TSNARE1: variants seen among roughly 807,000 people sequenced by gnomAD.
TSNARE1 encodes the protein t-SNARE domain-containing protein 1.
A neutral mutation model predicts 62.0 loss-of-function variants in TSNARE1; 49 were observed. That is an observed-to-expected ratio of 0.79 (90% CI 0.63 to 1.00). TSNARE1 has a LOEUF of 1.00. Among genes scored for constraint, TSNARE1 ranks in the 50% least tolerant of loss-of-function variants. TSNARE1 has a pLI of 0.00. For missense variants in TSNARE1, 755 were observed against 700.1 expected, an observed-to-expected ratio of 1.08 and a Z score of -0.88; for synonymous variants, 328 against 294.4, an observed-to-expected ratio of 1.11 and a Z score of -1.17.
intron 11 of TSNARE1, chr8:142,276,743 T>A: frequency 1.0e-6 from 1 of 985,376 alleles, no homozygotes; most frequent in Non-Finnish European, 1.2e-6. Flanking sequence ...GTGTGTGACC[T>A]GGAGGCCCAC....
chr8:142,343,937 T>C, intron 4 of TSNARE1, 29 bp downstream of exon 4: 5 of 1,499,606 alleles, frequency 3.3e-6, no homozygotes, highest in Non-Finnish European at 4.4e-6. Context: ...AGTGGCACCC[T>C]AGCAAGGTGA....
chr8:142,226,205 C>T (rs1444371836), intron 13 of TSNARE1, among the ~76,000 whole-genome samples: 4 of 152,214 alleles, frequency 2.6e-5, no homozygotes, highest in Non-Finnish European at 5.9e-5. Context: ...TCACCATCGC[C>T]ACAGTAACTA....
chr8:142,267,674 CTCTT>C (rs1160097130), intron 12 of TSNARE1, among the ~76,000 whole-genome samples: 1 of 152,206 alleles, frequency 6.6e-6, no homozygotes, highest in Non-Finnish European at 1.5e-5. Context: ...TCCCCCCGGC[CTCTT>C]TCTAAAACAC....
chr8:142,215,927 C>T (rs553423966), intron 13 of TSNARE1, among the ~76,000 whole-genome samples: 4 of 152,334 alleles, frequency 2.6e-5, no homozygotes, highest in Admixed American at 6.5e-5. Context: ...CCATGGAATT[C>T]GGGGTGAGGC....
chr8:142,282,083 C>G (rs1357454890), intron 11 of TSNARE1, among the ~76,000 whole-genome samples: 2 of 152,246 alleles, frequency 1.3e-5, no homozygotes, highest in East Asian at 1.9e-4. Context: ...CAGAGGAACG[C>G]AGAGCTGAGG....
intron 11 of TSNARE1, chr8:142,279,829 G>T (rs975902635): frequency 3.0e-6 from 3 of 1,008,900 alleles, no homozygotes; most frequent in Admixed American, 6.1e-5. Flanking sequence ...GTGTGGTCCG[G>T]GGGGGCGGGC....
intron 5 of TSNARE1, 109 bp downstream of exon 5, chr8:142,331,645 G>A (rs534185090): frequency 1.2e-4 from 128 of 1,092,872 alleles, no homozygotes; most frequent in African/African-American, 8.9e-4. Context: ...GGACTGCACC[G>A]CAGGATGGCC....
intron 12 of TSNARE1, among the ~76,000 whole-genome samples, chr8:142,262,254 T>C (rs904408087): frequency 6.6e-6 from 1 of 152,132 alleles, no homozygotes; most frequent in Non-Finnish European, 1.5e-5. Context: ...AGAATTTTGA[T>C]TGGAATTGCA....
chr8:142,267,870 G>A (rs1319496662), intron 12 of TSNARE1, among the ~76,000 whole-genome samples: 1 of 152,200 alleles, frequency 6.6e-6, no homozygotes, highest in African/African-American at 2.4e-5. Context: ...TCCCATCTGG[G>A]ATAGGTCGGC....
rs971150592 is a variant in TSNARE1 at position 142,229,337 on chromosome 8, A to G, written c.*11+136T>C. ...GATGGGTAGATGGATGGACAGATGGACGGTAGACAGGTGGATAAATGGGTG... is the reference window on the plus strand; with the variant it reads ...GATGGGTAGATGGATGGACAGATGGGCGGTAGACAGGTGGATAAATGGGTG... On this transcript the variant is annotated intron_variant, in intron 13 of 13. Transcript: ENST00000524325. 4 of 711,338 alleles carry G rather than the reference A, an allele frequency of 5.6e-6. No individual in the cohort carries two copies. In the African/African-American group the frequency reaches 6.9e-5, roughly 12 times the overall value. The allele number at this position is 711,338 out of a possible 1,614,324, so 44.1% of individuals were successfully genotyped here. A position where few individuals can be genotyped will look rare whatever the true frequency, so the allele number is the denominator to read the frequency against.
intron 12 of TSNARE1, among the ~76,000 whole-genome samples, chr8:142,258,046 T>A (rs1586878500): frequency 6.6e-6 from 1 of 152,162 alleles, no homozygotes; most frequent in East Asian, 1.9e-4. Flanking sequence ...CATGCACTTG[T>A]GCTCACACAT....
At position 142,344,345 on chromosome 8, in the gene TSNARE1, C is replaced by G. The variant is rs1017655585; in HGVS notation, c.366G>C (p.Lys122Asn). The part of the protein sequence containing the change: ...RMAGPSTTRA[K>N]KRKPNFCPQE... ...GCGGGCAGAAGTTGGGCTTCCTCTT[C>G]TTGGCCCGGGTAGTGCTGGGCCCCG... Residue 122 changes from lysine to asparagine, a missense_variant, in exon 4 of 14, where the codon AAG becomes AAC. By Grantham distance (94) the Lys-to-Asn change is moderately conservative. Coordinates refer to ENST00000524325, the MANE Select transcript of TSNARE1 (RefSeq NM_145003.5). 1.3e-6 allele frequency: 2 copies of G among 1,580,168 alleles called. No individual in the cohort carries two copies. Among genetic ancestry groups the G allele is most frequent in the Non-Finnish European group, 1.7e-6 (2 of 1,161,788 alleles).
In TSNARE1 at chr8:142,344,485, C is replaced by A; in HGVS notation, c.239-13G>T. On this transcript the variant is annotated splice_polypyrimidine_tract_variant and intron_variant, in intron 3 of 13. Coordinates refer to ENST00000524325, the MANE Select transcript of TSNARE1 (RefSeq NM_145003.5). ...GCAACCCCAGGCCCTGGAAAGGCACCAAAAGGCGGATGTTTAAGGCCCTGG... is the reference window on the plus strand; with the variant it reads ...GCAACCCCAGGCCCTGGAAAGGCACAAAAAGGCGGATGTTTAAGGCCCTGG... 6.6e-7 allele frequency: 1 copy of A among 1,513,972 alleles called. No individual in the cohort carries two copies. The highest frequency in any genetic ancestry group is 1.3e-5 in the South Asian group (1 of 76,434). 93.8% of individuals were successfully genotyped at this position (1,513,972 alleles called of 1,614,324 possible).
chr8:142,264,716 C>G (rs1429171611), intron 12 of TSNARE1, among the ~76,000 whole-genome samples: 3 of 152,184 alleles, frequency 2.0e-5, no homozygotes, highest in Non-Finnish European at 4.4e-5. Flanking sequence ...AACATTGCTA[C>G]TTAAGCTCTC....
chr8:142,273,118 C>A lies in TSNARE1; in HGVS notation c.1446+1663G>T, dbSNP rs375988745. The A allele has an allele frequency of 3.0e-6, 3 of 985,342 alleles. No individual in the cohort carries two copies. The Admixed American group carries it at 1.8e-4, about 61-fold the overall frequency. 61.0% of individuals were successfully genotyped at this position (985,342 alleles called of 1,614,324 possible). A position where few individuals can be genotyped will look rare whatever the true frequency, so the allele number is the denominator to read the frequency against. ...TGCCAGGACTGAGCCCACAGGCTCA[C>A]TGGGAATGCGGCACGGCGTCCATGG... On this transcript the variant is annotated intron_variant, in intron 12 of 13. Transcript: ENST00000524325.
At chr8:142,222,688 T>TCATC (rs1816419371) in intron 13 of TSNARE1, among the ~76,000 whole-genome samples, 1 of 59,990 alleles carries the variant, frequency 1.7e-5, no homozygotes, top group Admixed American at 1.5e-4. Context: ...ACTCATCCAC[T>TCATC]CACTCACTCA....
intron 12 of TSNARE1, chr8:142,272,549 A>T: frequency 2.4e-6 from 1 of 418,866 alleles, no homozygotes; most frequent in Non-Finnish European, 2.7e-6. Flanking sequence ...CCACCTGTCT[A>T]CACCTTCCTT....
Position 142,319,331 on chromosome 8 carries a change from G to A in TSNARE1, c.894-697C>T, listed in dbSNP as rs1829121199. Among the ~76,000 whole-genome samples, 1 of 151,992 alleles carries A rather than the reference G, an allele frequency of 6.6e-6. No homozygotes were observed. Among genetic ancestry groups the A allele is most frequent in the Non-Finnish European group, 1.5e-5 (1 of 67,960 alleles). ...ACCCCCCTGCACACCTCTGAGGGGT[G>A]CACACCTCTGAGGGGCCCCGGGTGA... On this transcript the variant is annotated intron_variant, in intron 6 of 13. Transcript: ENST00000524325. The surrounding 1 kb of genome is among the most constrained non-coding windows in gnomAD (Gnocchi z 4.9).
chr8:142,256,566 CCAT>C (rs1284067234), intron 12 of TSNARE1, among the ~76,000 whole-genome samples: 83 of 103,982 alleles, frequency 8.0e-4, no homozygotes, highest in African/African-American at 3.0e-3. Flanking sequence ...ACCACCATCA[CCAT>C]CACCATCATC....
Sources: gnomAD v4.1 joint callset for allele counts (sites outside exome capture counted in the v4.1 genomes callset) on GRCh38, gnomAD v4.1.1 for gene constraint, Gnocchi (gnomAD v3.1) non-coding constraint, MANE v1.5 for transcripts, NCBI Gene and HGNC (gene_info 2026-07-23, HGNC 2026-07-21) for gene names.